The following CDK6 variants were observed in gnomAD, a reference collection of about 807,000 sequenced individuals.
CDK6 encodes cyclin-dependent kinase 6.
CDK6 carries 6 observed loss-of-function variants against 37.1 expected under a neutral mutation model. That is an observed-to-expected ratio of 0.16 (90% CI 0.09 to 0.32). The LOEUF is 0.32. CDK6 is among the 10% of genes least tolerant of loss of function. The pLI is 1.00. For synonymous variants in CDK6, 160 were observed against 161.3 expected, an observed-to-expected ratio of 0.99 and a Z score of 0.06; for missense variants, 224 against 418.9, an observed-to-expected ratio of 0.53 and a Z score of 4.06.
Position 92,612,835 on chromosome 7 carries a change from T to A in CDK6, c.*2305A>T. ...ACTAAAGCTATGTTCACTCTAGCCA[T>A]GAATACTAACCAAAAAGCTCAGATG... On this transcript the variant is annotated 3_prime_UTR_variant, in exon 8 of 8. Coordinates refer to ENST00000424848, the MANE Select transcript of CDK6 (RefSeq NM_001145306.2). 1 of 233,130 alleles carries A rather than the reference T, an allele frequency of 4.3e-6. No homozygotes were observed. Among genetic ancestry groups the A allele is most frequent in the South Asian group, 1.8e-4 (1 of 5,528 alleles). 14.4% of individuals were successfully genotyped at this position (233,130 alleles called of 1,614,324 possible). A position where few individuals can be genotyped will look rare whatever the true frequency, so the allele number is the denominator to read the frequency against.
At chr7:92,621,664 A>G (rs1389898711) in intron 6 of CDK6, among the ~76,000 whole-genome samples, 1 of 152,200 alleles carries the variant, frequency 6.6e-6, no homozygotes, top group Non-Finnish European at 1.5e-5. Flanking sequence ...TCATGGGGAA[A>G]AATAGATGGG....
chr7:92,649,465 G>A (rs897903505), intron 5 of CDK6, among the ~76,000 whole-genome samples: 1 of 152,084 alleles, frequency 6.6e-6, no homozygotes, highest in Non-Finnish European at 1.5e-5. Flanking sequence ...GGGGATCCTT[G>A]GGATTAATTG....
At position 92,605,105 on chromosome 7, in the gene CDK6, T is replaced by C. The variant is rs1562905669; in HGVS notation, c.*10035A>G. ...TAAGAAATACAAAAGGTATTACAAA[T>C]ATACAAACTATTTGCTCTTTTTGCC... On this transcript the variant is annotated 3_prime_UTR_variant, in exon 8 of 8. Transcript: ENST00000424848. 8.6e-6 allele frequency: 2 copies of C among 232,336 alleles called. No homozygotes were observed. The highest frequency in any genetic ancestry group is 1.2e-4 in the East Asian group (2 of 16,308). The allele number at this position is 232,336 out of a possible 1,614,324, so 14.4% of individuals were successfully genotyped here.
chr7:92,667,202 GT>G (rs963704219), intron 5 of CDK6, among the ~76,000 whole-genome samples: 2 of 152,138 alleles, frequency 1.3e-5, no homozygotes, highest in Non-Finnish European at 2.9e-5. Context: ...TAATGTTTTT[GT>G]GTTTATTTAT....
rs149941241 is a variant in CDK6, at chr7:92,685,962, C to T, written c.538-14427G>A. ...CCCCTTTTCTGTCTATAAAGCCACT[C>T]TCCTTTGTTTGACTAACTGGAACAC... On this transcript the variant is annotated intron_variant, in intron 4 of 7. Coordinates refer to ENST00000424848, the MANE Select transcript of CDK6 (RefSeq NM_001145306.2). Among the ~76,000 whole-genome samples, 598 of 152,306 alleles carry T rather than the reference C, an allele frequency of 3.9e-3. 3 individuals carry two copies. The highest frequency in any genetic ancestry group is 0.012 in the African/African-American group (514 of 41,566).
chr7:92,625,219 A>AACACACAC (rs71699291), intron 5 of CDK6, among the ~76,000 whole-genome samples: 189 of 141,984 alleles, frequency 1.3e-3, no homozygotes, highest in African/African-American at 3.6e-3. Flanking sequence ...GTGGTAACTA[A>AACACACAC]ACACACACAC....
intron 4 of CDK6, among the ~76,000 whole-genome samples, chr7:92,720,657 A>C (rs1010805903): frequency 3.3e-5 from 5 of 152,208 alleles, no homozygotes; most frequent in Admixed American, 3.3e-4. Flanking sequence ...AGGGCTGCTG[A>C]TGATGTTCCT....
chr7:92,675,676 C>A (rs1797185851), intron 4 of CDK6, among the ~76,000 whole-genome samples: 1 of 152,122 alleles, frequency 6.6e-6, no homozygotes, highest in Admixed American at 6.5e-5. Flanking sequence ...TAATCAGTTT[C>A]TTGAGGGTCA....
chr7:92,715,716 T>C (rs1268129389), intron 4 of CDK6, among the ~76,000 whole-genome samples: 1 of 152,058 alleles, frequency 6.6e-6, no homozygotes, highest in African/African-American at 2.4e-5. Context: ...ACAAAGTAAT[T>C]GTATAAAAGT....
intron 6 of CDK6, among the ~76,000 whole-genome samples, chr7:92,622,603 GAAAAC>G (rs930602282): frequency 6.6e-6 from 1 of 152,058 alleles, no homozygotes; most frequent in African/African-American, 2.4e-5. Context: ...CTTCGCCCAG[GAAAAC>G]AAAACAAAAC....
intron 4 of CDK6, among the ~76,000 whole-genome samples, chr7:92,682,736 T>C (rs926281177): frequency 3.9e-5 from 6 of 152,208 alleles, no homozygotes; most frequent in Non-Finnish European, 8.8e-5. Flanking sequence ...GTTTCTATTA[T>C]AGTATAAATT....
chr7:92,823,544 A>G (rs1207308373), intron 2 of CDK6, among the ~76,000 whole-genome samples: 4 of 151,272 alleles, frequency 2.6e-5, no homozygotes, highest in African/African-American at 9.7e-5. Context: ...ATTCATGATC[A>G]GCACTGGGAG....
At chr7:92,708,470 A>G (rs996526832) in intron 4 of CDK6, among the ~76,000 whole-genome samples, 1 of 152,192 alleles carries the variant, frequency 6.6e-6, no homozygotes, top group South Asian at 2.1e-4. Context: ...GTTTAGTCAT[A>G]TAACGACCAC....
At chr7:92,780,901 T>C (rs1031777770) in intron 2 of CDK6, among the ~76,000 whole-genome samples, 1 of 152,174 alleles carries the variant, frequency 6.6e-6, no homozygotes, top group African/African-American at 2.4e-5. Flanking sequence ...CTAAAACCTT[T>C]TTTTAAAAAT....
intron 5 of CDK6, among the ~76,000 whole-genome samples, chr7:92,648,630 G>C (rs555783776): frequency 1.3e-5 from 2 of 152,150 alleles, no homozygotes; most frequent in African/African-American, 2.4e-5. Flanking sequence ...TTTATAAAAG[G>C]CCTCACTAAA....
Position 92,624,066 on chromosome 7 carries a change from CTATA to C in CDK6, c.648-984_648-981del, listed in dbSNP as rs200730617. Among the ~76,000 whole-genome samples, 555 of 152,246 alleles carry C rather than the reference CTATA, an allele frequency of 3.6e-3. 24 individuals carry two copies. In the East Asian group the frequency reaches 0.083, roughly 23 times the overall value. On this transcript the variant is annotated intron_variant, in intron 5 of 7. Transcript: ENST00000424848. Reference sequence around the variant, plus strand: ...TTTCTGTGCACAATAAATGAACTCACTATATATGGCCATATATGGAGAATCCTGC... The same window carrying C: ...TTTCTGTGCACAATAAATGAACTCACTATGGCCATATATGGAGAATCCTGC...
At chr7:92,710,950 C>A (rs1798074935) in intron 4 of CDK6, 1 of 747,218 alleles carries the variant, frequency 1.3e-6, no homozygotes, top group Non-Finnish European at 1.6e-6. Flanking sequence ...GCAGAAAGCG[C>A]CAGCAAAGGC....
At chr7:92,686,834 T>C (rs567732698) in intron 4 of CDK6, among the ~76,000 whole-genome samples, 1 of 152,284 alleles carries the variant, frequency 6.6e-6, no homozygotes, top group African/African-American at 2.4e-5. Context: ...TAAGGCAGTA[T>C]TGCATTGTGG....
rs571135279 is a variant in CDK6 at position 92,822,984 on chromosome 7, G to A, written c.233+10107C>T. 6.7e-5 allele frequency among the ~76,000 whole-genome samples: 10 copies of A among 150,246 alleles called. No individual in the cohort carries two copies. In the South Asian group the frequency reaches 1.7e-3, roughly 25 times the overall value. On this transcript the variant is annotated intron_variant, in intron 2 of 7. Transcript: ENST00000424848. ...TTAACTTAGCTTATCTTCTACCACC[G>A]TCTTCCCTTCTTTTAATGAGCATGT...
Sources: gnomAD v4.1 joint callset for allele counts (sites outside exome capture counted in the v4.1 genomes callset) on GRCh38, gnomAD v4.1.1 for gene constraint, MANE v1.5 for transcripts, NCBI Gene and HGNC (gene_info 2026-07-23, HGNC 2026-07-21) for gene names.